Variants in ADGRV1 observed in about 807,000 individuals in gnomAD.
The protein encoded by ADGRV1 is adhesion G protein-coupled receptor V1.
Under a neutral mutation model 596.2 loss-of-function variants are expected in ADGRV1, and 359 were observed. The ratio of observed to expected loss-of-function variants is 0.60; its 90% CI spans 0.55 to 0.66. The LOEUF is 0.66. Among genes scored for constraint, ADGRV1 ranks in the 30% least tolerant of loss-of-function variants. The pLI, the probability that ADGRV1 is intolerant of heterozygous loss-of-function variation, is 0.00. For missense variants in ADGRV1, 7,274 were observed against 7,575.6 expected (o/e 0.96, Z 1.48); for synonymous variants, 2,681 against 2,679.2 (o/e 1.00, Z -0.02).
At chr5:90,919,640 A>G (rs958690599) in intron 83 of ADGRV1, among the ~76,000 whole-genome samples, 3 of 152,202 alleles carry the variant, frequency 2.0e-5, no homozygotes, top group African/African-American at 7.2e-5. Context: ...CGTTTCATTA[A>G]TGGAAATACA....
intron 86 of ADGRV1, among the ~76,000 whole-genome samples, chr5:91,094,504 A>G (rs924904979): frequency 2.0e-5 from 3 of 151,730 alleles, no homozygotes; most frequent in Non-Finnish European, 4.4e-5. Context: ...TAATAGGAGT[A>G]GGAGGGATGA....
Position 90,757,062 on chromosome 5 carries a change from C to G in ADGRV1, c.11841C>G (p.Ser3947Arg). ...LQVPVVRLAG[S>R]FGAVNVYWKA... Reference sequence around the variant, plus strand: ...TTCCTGTAGTCCGGCTGGCTGGAAGCTTTGGGGCAGTAAATGTTTATTGGA... The same window carrying G: ...TTCCTGTAGTCCGGCTGGCTGGAAGGTTTGGGGCAGTAAATGTTTATTGGA... The change falls in exon 57 of 90, where the codon AGC becomes AGG. Residue 3947 changes from serine to arginine, a missense_variant. Around this residue, in one of 5 missense-constraint regions of ADGRV1, gnomAD observed 3,643 missense variants for 3,809.2 expected, o/e 0.96. Transcript: ENST00000405460. The G allele has an allele frequency of 6.2e-7, 1 of 1,613,914 alleles. No individual in the cohort carries two copies. The highest frequency in any genetic ancestry group is 8.5e-7 in the Non-Finnish European group (1 of 1,179,816).
intron 1 of ADGRV1, among the ~76,000 whole-genome samples, chr5:90,569,966 C>G (rs947424248): frequency 2.6e-5 from 4 of 151,990 alleles, no homozygotes; most frequent in African/African-American, 9.7e-5. Context: ...ATCAGAGAGG[C>G]TAAAAGTAGT....
chr5:90,938,698 T>C (rs1775921813), intron 83 of ADGRV1, among the ~76,000 whole-genome samples: 1 of 152,200 alleles, frequency 6.6e-6, no homozygotes, highest in Non-Finnish European at 1.5e-5. Context: ...ATCTCTACCC[T>C]CTTGGAACCT....
rs574432390 is a variant in ADGRV1, at chr5:91,095,155, G to C, written c.18311-7064G>C. Among the ~76,000 whole-genome samples the C allele has an allele frequency of 1.6e-4, 25 of 152,156 alleles. No homozygotes were observed. In the South Asian group the frequency reaches 3.7e-3, roughly 23 times the overall value. On this transcript the variant is annotated intron_variant, in intron 86 of 89. Coordinates refer to ENST00000405460, the MANE Select transcript of ADGRV1 (RefSeq NM_032119.4). The stretch of plus-strand genomic sequence containing the variant: ...TAATGACTAAGGGTTAGGAATGCCA[G>C]CTACCCAAATGAGGTGGAGGGTGTT...
intron 85 of ADGRV1, among the ~76,000 whole-genome samples, chr5:91,034,246 A>C (rs2151240564): frequency 6.6e-6 from 1 of 152,248 alleles, no homozygotes; most frequent in Admixed American, 6.5e-5. Context: ...TGGTTAGTCT[A>C]ACTACAAATG....
At chr5:90,587,240 C>T (rs1758871600) in intron 1 of ADGRV1, among the ~76,000 whole-genome samples, 1 of 152,122 alleles carries the variant, frequency 6.6e-6, no homozygotes, top group Non-Finnish European at 1.5e-5. Context: ...TTACTCTTAC[C>T]TGGTTTCCTT....
intron 75 of ADGRV1, 41 bp downstream of exon 75, chr5:90,815,777 G>A (rs529773898): frequency 5.6e-6 from 6 of 1,074,088 alleles, no homozygotes; most frequent in Middle Eastern, 2.0e-4. Context: ...AACATTCTGT[G>A]TGTCTGTACA....
At chr5:91,133,803 G>A (rs541760469) in intron 87 of ADGRV1, among the ~76,000 whole-genome samples, 1 of 152,188 alleles carries the variant, frequency 6.6e-6, no homozygotes, top group Non-Finnish European at 1.5e-5. Flanking sequence ...GACTTAATTT[G>A]TCAGGATTTT....
chr5:91,098,713 C>T (rs1281604837), intron 86 of ADGRV1, among the ~76,000 whole-genome samples: 2 of 151,114 alleles, frequency 1.3e-5, no homozygotes, highest in African/African-American at 2.5e-5. Context: ...TGGACATTCT[C>T]ATGAGCCCCA....
At chr5:90,648,776 T>A (rs1439315070) in intron 17 of ADGRV1, among the ~76,000 whole-genome samples, 1 of 152,212 alleles carries the variant, frequency 6.6e-6, no homozygotes, top group African/African-American at 2.4e-5. Flanking sequence ...AACTAAAAAC[T>A]ATTATCCTGT....
chr5:90,842,924 C>G (rs983612890), intron 78 of ADGRV1, among the ~76,000 whole-genome samples: 3 of 151,900 alleles, frequency 2.0e-5, no homozygotes, highest in Non-Finnish European at 4.4e-5. Flanking sequence ...GTTGATTTAA[C>G]TGACTTATTT....
At chr5:91,002,055 A>AT (rs1366768524) in intron 85 of ADGRV1, among the ~76,000 whole-genome samples, 1 of 151,908 alleles carries the variant, frequency 6.6e-6, no homozygotes, top group Admixed American at 6.6e-5. Context: ...ATTTAGTTAA[A>AT]TTTTTTCTTC....
chr5:90,861,905 T>C (rs1323550742), intron 82 of ADGRV1, among the ~76,000 whole-genome samples: 4 of 152,106 alleles, frequency 2.6e-5, no homozygotes, highest in Admixed American at 2.0e-4. Context: ...CCCAGCCTGT[T>C]TGAGGTTTTA....
At chr5:90,593,156 G>A (rs1260598655) in intron 1 of ADGRV1, among the ~76,000 whole-genome samples, 1 of 152,194 alleles carries the variant, frequency 6.6e-6, no homozygotes. Context: ...GCACATGTAT[G>A]TTTATTGCGG....
intron 42 of ADGRV1, among the ~76,000 whole-genome samples, chr5:90,715,175 T>TTATTTGAGA (rs1749922275): frequency 6.6e-6 from 1 of 152,156 alleles, no homozygotes; most frequent in Non-Finnish European, 1.5e-5. Context: ...AGGATTTAGT[T>TTATTTGAGA]TATTTGAGAG....
chr5:90,721,181 T>G, intron 45 of ADGRV1, 122 bp downstream of exon 45: 1 of 834,518 alleles, frequency 1.2e-6, no homozygotes, highest in Non-Finnish European at 1.8e-6. Context: ...ACAGATAATC[T>G]AATTCTTTTA....
At chr5:90,770,714 A>G (rs1252043485) in intron 59 of ADGRV1, among the ~76,000 whole-genome samples, 1 of 152,178 alleles carries the variant, frequency 6.6e-6, no homozygotes, top group African/African-American at 2.4e-5. Context: ...ACAAACAAAC[A>G]AAAACAAAAA....
intron 77 of ADGRV1, among the ~76,000 whole-genome samples, chr5:90,835,196 G>A (rs1764872924): frequency 1.3e-5 from 2 of 152,176 alleles, no homozygotes; most frequent in South Asian, 4.1e-4. Context: ...CCAGATATTT[G>A]AAGAGGCTTG....
Sources: allele counts gnomAD v4.1 joint callset (sites outside exome capture counted in the v4.1 genomes callset), GRCh38; gene constraint gnomAD v4.1.1; regional missense constraint gnomAD v4.1.1; transcripts MANE v1.5; gene names NCBI Gene and HGNC (gene_info 2026-07-23, HGNC 2026-07-21).